The following CSMD1 variants were observed in gnomAD, a reference collection of about 807,000 sequenced individuals.
CSMD1 encodes CUB and sushi domain-containing protein 1.
Under a neutral mutation model 417.5 loss-of-function variants are expected in CSMD1, and 213 were observed. That is an observed-to-expected ratio of 0.51 (90% confidence interval 0.46 to 0.57). The LOEUF is 0.57. CSMD1 is among the 20% of genes least tolerant of loss of function. The pLI is 0.00. For synonymous variants in CSMD1, 2,862 were observed against 1,736.8 expected (o/e 1.65, Z -16.11); for missense variants, 6,923 against 4,529.7 (o/e 1.53, Z -15.17).
intron 7 of CSMD1, among the ~76,000 whole-genome samples, chr8:3,661,758 A>G (rs953218559): frequency 2.5e-4 from 38 of 152,214 alleles, no homozygotes; most frequent in Middle Eastern, 3.4e-3. Flanking sequence ...TGGCTTCCCA[A>G]AGTGCTGGGG....
At chr8:3,043,659 G>A (rs1811253522) in intron 50 of CSMD1, 2 of 151,912 alleles carry the variant, frequency 1.3e-5, no homozygotes, top group African/African-American at 4.8e-5. Context: ...AGAACTTAGG[G>A]GTTTTTTTCA....
chr8:3,629,111 G>C (rs988254720), intron 7 of CSMD1, among the ~76,000 whole-genome samples: 4 of 152,128 alleles, frequency 2.6e-5, no homozygotes, highest in African/African-American at 9.7e-5. Context: ...GGTGTGCAGA[G>C]GAGACACCTC....
rs768447456 is a variant in CSMD1 at position 3,107,815 on chromosome 8, A to G, written c.6755-17T>C. ...GCTGAAATGCTAAATGATTAATGGAAAGAATAATAATAATTGCAATTACAC... is the reference window on the plus strand; with the variant it reads ...GCTGAAATGCTAAATGATTAATGGAGAGAATAATAATAATTGCAATTACAC... On this transcript the variant is annotated splice_polypyrimidine_tract_variant and intron_variant, in intron 44 of 69. Coordinates refer to ENST00000635120, the MANE Select transcript of CSMD1 (RefSeq NM_033225.6). 7 of 1,497,798 alleles carry G rather than the reference A, an allele frequency of 4.7e-6. No homozygotes were observed. The African/African-American group carries it at 8.5e-5, about 18-fold the overall frequency. The allele number at this position is 1,497,798 out of a possible 1,614,324, so 92.8% of individuals were successfully genotyped here. A position where few individuals can be genotyped will look rare whatever the true frequency, so the allele number is the denominator to read the frequency against.
At chr8:4,934,356 G>C (rs931736966) in intron 1 of CSMD1, among the ~76,000 whole-genome samples, 7 of 152,168 alleles carry the variant, frequency 4.6e-5, no homozygotes, top group Admixed American at 3.3e-4. Flanking sequence ...AAAATTATTT[G>C]TATAGATATG....
intron 2 of CSMD1, among the ~76,000 whole-genome samples, chr8:4,427,025 C>T (rs1291410014): frequency 6.6e-6 from 1 of 151,962 alleles, no homozygotes. Context: ...GATCATGTCC[C>T]CACGAGAACT....
intron 3 of CSMD1, among the ~76,000 whole-genome samples, chr8:4,328,064 C>T (rs1299921798): frequency 1.3e-5 from 2 of 152,078 alleles, no homozygotes; most frequent in African/African-American, 4.8e-5. Flanking sequence ...CTAAGCTCTG[C>T]ACTCCATAAT....
intron 1 of CSMD1, among the ~76,000 whole-genome samples, chr8:4,890,607 C>T (rs1237547914): frequency 6.2e-5 from 9 of 145,318 alleles, no homozygotes; most frequent in Non-Finnish European, 1.1e-4. Context: ...ACTCTGACAC[C>T]CTCCCCTGCT....
intron 3 of CSMD1, among the ~76,000 whole-genome samples, chr8:4,185,979 A>C (rs73512807): frequency 0.032 from 4,833 of 152,254 alleles, 257 homozygotes; most frequent in African/African-American, 0.11. Context: ...AATCATTCTT[A>C]ACAAGTCCAC....
chr8:4,387,852 C>G (rs1387270824), intron 3 of CSMD1, among the ~76,000 whole-genome samples: 1 of 152,004 alleles, frequency 6.6e-6, no homozygotes, highest in Non-Finnish European at 1.5e-5. Flanking sequence ...TGACAGCTGT[C>G]AACAAATATT....
intron 5 of CSMD1, among the ~76,000 whole-genome samples, chr8:3,888,406 G>C (rs78315794): frequency 2.6e-5 from 4 of 152,072 alleles, no homozygotes; most frequent in Admixed American, 2.6e-4. Flanking sequence ...CATTCTATAC[G>C]GAAACCTTTT....
intron 5 of CSMD1, among the ~76,000 whole-genome samples, chr8:3,857,191 G>A (rs1804371634): frequency 6.6e-6 from 1 of 152,166 alleles, no homozygotes; most frequent in African/African-American, 2.4e-5. Context: ...TGAAAAAAGT[G>A]CCAAAGTTGT....
At chr8:4,002,107 A>G (rs1815728000) in intron 4 of CSMD1, among the ~76,000 whole-genome samples, 4 of 152,148 alleles carry the variant, frequency 2.6e-5, no homozygotes, top group Admixed American at 6.6e-5. Flanking sequence ...CACATATAAG[A>G]CAAACAAAAA....
At chr8:3,734,338 G>A (rs778372391) in intron 6 of CSMD1, among the ~76,000 whole-genome samples, 5 of 152,202 alleles carry the variant, frequency 3.3e-5, no homozygotes, top group Non-Finnish European at 7.3e-5. Flanking sequence ...CCAAGAGACT[G>A]ATGAGGGCTG....
intron 7 of CSMD1, among the ~76,000 whole-genome samples, chr8:3,687,301 T>C (rs1799989562): frequency 1.3e-5 from 2 of 152,186 alleles, no homozygotes; most frequent in African/African-American, 4.8e-5. Context: ...CCATGTATGA[T>C]GGATGAAAAG....
intron 2 of CSMD1, among the ~76,000 whole-genome samples, chr8:4,474,299 G>C (rs1043789616): frequency 1.2e-4 from 18 of 152,082 alleles, no homozygotes; most frequent in African/African-American, 4.3e-4. Context: ...ACAGATTAAC[G>C]TTCCAAATAG....
At chr8:4,186,134 G>T (rs942288601) in intron 3 of CSMD1, among the ~76,000 whole-genome samples, 1 of 152,238 alleles carries the variant, frequency 6.6e-6, no homozygotes, top group African/African-American at 2.4e-5. Context: ...CAACGATTTG[G>T]CATCCAGAGG....
At chr8:3,469,481 T>C (rs1184253847) in intron 11 of CSMD1, among the ~76,000 whole-genome samples, 1 of 152,188 alleles carries the variant, frequency 6.6e-6, no homozygotes. Flanking sequence ...CAATGAAGCA[T>C]TCATTGTGCA....
At chr8:3,276,066 A>G (rs1183970372) in intron 26 of CSMD1, among the ~76,000 whole-genome samples, 1 of 151,952 alleles carries the variant, frequency 6.6e-6, no homozygotes, top group Non-Finnish European at 1.5e-5. Context: ...GGTTTTATCT[A>G]CTTTTGGTCT....
chr8:3,341,836 T>G (rs1264526741), intron 23 of CSMD1, among the ~76,000 whole-genome samples: 1 of 152,138 alleles, frequency 6.6e-6, no homozygotes, highest in Non-Finnish European at 1.5e-5. Flanking sequence ...CCTCTAAGAC[T>G]AGTGTAGGGG....
Sources: gnomAD v4.1 joint callset for allele counts (sites outside exome capture counted in the v4.1 genomes callset) on GRCh38, gnomAD v4.1.1 for gene constraint, MANE v1.5 for transcripts, NCBI Gene and HGNC (gene_info 2026-07-23, HGNC 2026-07-21) for gene names.